SPPL3: variants seen among roughly 807,000 people sequenced by gnomAD.
SPPL3 encodes signal peptide peptidase-like 3.
In SPPL3, 5 loss-of-function variants were observed where a neutral mutation model predicts 42.4. The observed-to-expected ratio is 0.12, with a 90% CI of 0.06 to 0.25. The LOEUF is 0.25. SPPL3 is among the 10% of genes least tolerant of loss of function. The probability of loss-of-function intolerance (pLI) is 1.00; values close to 1 mark genes in which losing one functional copy is unlikely to be tolerated. For missense variants in SPPL3, 235 were observed against 489.0 expected (o/e 0.48, Z 4.90); for synonymous variants, 195 against 181.8 (o/e 1.07, Z -0.58).
Position 120,895,103 on chromosome 12 carries a change from G to C in SPPL3, c.23+8742C>G, listed in dbSNP as rs189584379. 6.8e-4 allele frequency among the ~76,000 whole-genome samples: 104 copies of C among 152,132 alleles called. 1 individual carries two copies. The highest frequency in any genetic ancestry group is 2.5e-3 in the African/African-American group (102 of 41,510). The stretch of plus-strand genomic sequence containing the variant: ...TTCTTCATTTAAGTAGATCATGAAG[G>C]AAACTGTCTTCAAAATCAAGATAAA... On this transcript the variant is annotated intron_variant, in intron 1 of 10. Transcript: ENST00000353487.
chr12:120,895,925 T>C (rs1446219378), intron 1 of SPPL3, among the ~76,000 whole-genome samples: 1 of 152,132 alleles, frequency 6.6e-6, no homozygotes, highest in African/African-American at 2.4e-5. Flanking sequence ...AGATTTCAAA[T>C]GAAAATTTAA....
intron 1 of SPPL3, among the ~76,000 whole-genome samples, chr12:120,817,298 A>G (rs1221625487): frequency 6.6e-6 from 1 of 152,122 alleles, no homozygotes; most frequent in Non-Finnish European, 1.5e-5. Context: ...CTGTCTCAAA[A>G]AAGTTTAAAA....
intron 1 of SPPL3, among the ~76,000 whole-genome samples, chr12:120,833,485 G>C (rs1024385907): frequency 6.6e-6 from 1 of 152,094 alleles, no homozygotes; most frequent in Non-Finnish European, 1.5e-5. Context: ...AGGAGCAAGA[G>C]ACATGTAGGA....
intron 1 of SPPL3, among the ~76,000 whole-genome samples, chr12:120,885,895 C>A (rs900881699): frequency 2.8e-5 from 4 of 142,220 alleles, no homozygotes; most frequent in African/African-American, 1.1e-4. Flanking sequence ...GCTCTTGTTG[C>A]CCAGGCTGGA....
intron 2 of SPPL3, among the ~76,000 whole-genome samples, chr12:120,800,969 C>T (rs1870275376): frequency 6.6e-6 from 1 of 152,202 alleles, no homozygotes; most frequent in Admixed American, 6.5e-5. Flanking sequence ...TGCCTGCTGC[C>T]TTGGCAAAAT....
intron 1 of SPPL3, among the ~76,000 whole-genome samples, chr12:120,815,103 T>C (rs1430706075): frequency 6.6e-6 from 1 of 152,220 alleles, no homozygotes; most frequent in African/African-American, 2.4e-5. Context: ...TATACCTGCA[T>C]TGCACACACA....
chr12:120,785,572 TA>T (rs1352371245), intron 3 of SPPL3, among the ~76,000 whole-genome samples: 1 of 151,880 alleles, frequency 6.6e-6, no homozygotes, highest in African/African-American at 2.4e-5. Context: ...AAAAAAAAAT[TA>T]CCAGTTTTAT....
intron 2 of SPPL3, among the ~76,000 whole-genome samples, chr12:120,806,550 T>C (rs894726136): frequency 9.9e-5 from 15 of 152,094 alleles, no homozygotes; most frequent in African/African-American, 3.1e-4. Flanking sequence ...TAAAACTTCT[T>C]AAAGAAAACG....
At chr12:120,774,223 T>C (rs899010521) in intron 6 of SPPL3, among the ~76,000 whole-genome samples, 1 of 152,200 alleles carries the variant, frequency 6.6e-6, no homozygotes, top group Non-Finnish European at 1.5e-5. Flanking sequence ...ACTGCAGACC[T>C]TGCTCACACC....
At chr12:120,900,324 C>A (rs1460311112) in intron 1 of SPPL3, among the ~76,000 whole-genome samples, 1 of 151,252 alleles carries the variant, frequency 6.6e-6, no homozygotes, top group East Asian at 1.9e-4. Flanking sequence ...AAAAAAAAAA[C>A]AGCAGGACCA....
intron 1 of SPPL3, among the ~76,000 whole-genome samples, chr12:120,902,192 G>C (rs1478646129): frequency 6.6e-6 from 1 of 152,178 alleles, no homozygotes; most frequent in South Asian, 2.1e-4. Flanking sequence ...TTTAGAGCAC[G>C]TGTTCACCAA....
chr12:120,901,559 G>A (rs931581748), intron 1 of SPPL3, among the ~76,000 whole-genome samples: 2 of 138,810 alleles, frequency 1.4e-5, no homozygotes, highest in South Asian at 4.6e-4. Context: ...CCACTGCACT[G>A]CAGCCTGGGT....
Position 120,783,656 on chromosome 12 carries a change from A to C in SPPL3, c.389+18T>G, listed in dbSNP as rs772320513. On this transcript the variant is annotated intron_variant, in intron 5 of 10. Coordinates refer to ENST00000353487, the MANE Select transcript of SPPL3 (RefSeq NM_139015.5). ...ATATACAAGTTTATAATTTAAGAGGAAAGTCCCAAGTCCTTACTTGTTCTG... is the reference window on the plus strand; with the variant it reads ...ATATACAAGTTTATAATTTAAGAGGCAAGTCCCAAGTCCTTACTTGTTCTG... The C allele has an allele frequency of 6.3e-7, 1 of 1,582,142 alleles. No individual in the cohort carries two copies. The highest frequency in any genetic ancestry group is 8.6e-7 in the Non-Finnish European group (1 of 1,164,186).
chr12:120,872,059 A>T (rs1944635851), intron 1 of SPPL3, among the ~76,000 whole-genome samples: 2 of 152,172 alleles, frequency 1.3e-5, no homozygotes, highest in African/African-American at 4.8e-5. Context: ...AATTTAGAGC[A>T]CTTCAGATTT....
chr12:120,903,110 G>A (rs1224657732), intron 1 of SPPL3, among the ~76,000 whole-genome samples: 1 of 152,098 alleles, frequency 6.6e-6, no homozygotes, highest in Non-Finnish European at 1.5e-5. Flanking sequence ...CTTGGCCCTG[G>A]GCGCCATTCC....
At chr12:120,790,784 T>C (rs1009389264) in intron 3 of SPPL3, among the ~76,000 whole-genome samples, 45 of 151,850 alleles carry the variant, frequency 3.0e-4, no homozygotes, top group African/African-American at 1.1e-3. Context: ...ACTTGCCCCA[T>C]ATATAGGAGG....
chr12:120,826,292 CAAA>C (rs11341939), intron 1 of SPPL3, among the ~76,000 whole-genome samples: 151 of 118,594 alleles, frequency 1.3e-3, no homozygotes, highest in Middle Eastern at 4.5e-3. Flanking sequence ...AAACTGTCTC[CAAA>C]AAAAAAAAAA....
chr12:120,808,185 C>T (rs1268868921), intron 2 of SPPL3, among the ~76,000 whole-genome samples: 3 of 151,574 alleles, frequency 2.0e-5, no homozygotes, highest in Non-Finnish European at 4.4e-5. Context: ...CTGCAACCTC[C>T]GCCTCCTGGG....
chr12:120,822,626 A>ATTT (rs899079216), intron 1 of SPPL3, among the ~76,000 whole-genome samples: 14 of 152,176 alleles, frequency 9.2e-5, no homozygotes, highest in Non-Finnish European at 1.6e-4. Flanking sequence ...AGGACAAACT[A>ATTT]GGGTTTCTGT....
Sources: gnomAD v4.1 joint callset for allele counts (sites outside exome capture counted in the v4.1 genomes callset) on GRCh38, gnomAD v4.1.1 for gene constraint, MANE v1.5 for transcripts, NCBI Gene and HGNC (gene_info 2026-07-23, HGNC 2026-07-21) for gene names.